The following KCNH8 variants were observed in gnomAD, a reference collection of about 807,000 sequenced individuals.
The protein encoded by KCNH8 is potassium voltage-gated channel subfamily H member 8.
Under a neutral mutation model 103.6 loss-of-function variants are expected in KCNH8, and 70 were observed. The observed-to-expected ratio is 0.68, with a 90% CI of 0.56 to 0.82. The LOEUF (loss-of-function observed/expected upper bound fraction) is 0.82, where lower values mean the gene tolerates loss of function less well. KCNH8 is among the 40% of genes least tolerant of loss of function. The pLI, the probability that KCNH8 is intolerant of heterozygous loss-of-function variation, is 0.00. For missense variants in KCNH8, 1,217 were observed against 1,329.9 expected, an observed-to-expected ratio of 0.92 and a Z score of 1.32; for synonymous variants, 498 against 489.4, an observed-to-expected ratio of 1.02 and a Z score of -0.23.
intron 1 of KCNH8, among the ~76,000 whole-genome samples, chr3:19,226,922 CT>C (rs1323050210): frequency 2.0e-5 from 3 of 152,172 alleles, no homozygotes; most frequent in African/African-American, 7.2e-5. Flanking sequence ...ATTTCCCAGT[CT>C]CTTATCTCTG....
intron 11 of KCNH8, among the ~76,000 whole-genome samples, chr3:19,493,210 T>G (rs2068365004): frequency 6.6e-6 from 1 of 152,140 alleles, no homozygotes; most frequent in South Asian, 2.1e-4. Context: ...GGATGCCTTT[T>G]GTTTCTTTCT....
intron 2 of KCNH8, among the ~76,000 whole-genome samples, chr3:19,264,593 T>C (rs1020173230): frequency 1.3e-5 from 2 of 152,110 alleles, no homozygotes; most frequent in Non-Finnish European, 2.9e-5. Context: ...GCTTAGCTTT[T>C]TCGGCTTAGA....
chr3:19,257,322 A>G (rs2064359081), intron 2 of KCNH8, among the ~76,000 whole-genome samples: 1 of 152,034 alleles, frequency 6.6e-6, no homozygotes, highest in Non-Finnish European at 1.5e-5. Flanking sequence ...AAAGCTATCC[A>G]ACACAATTTC....
chr3:19,152,068 C>T lies in KCNH8; in HGVS notation c.76+3273C>T, dbSNP rs558788153. On this transcript the variant is annotated intron_variant, in intron 1 of 15. Transcript: ENST00000328405. ...GCAAAAACCACTCACTTGTACCACT[C>T]TAAGACATACACATACACACATACA... Among the ~76,000 whole-genome samples the T allele has an allele frequency of 1.5e-3, 232 of 152,146 alleles. 3 individuals are homozygous for T. Among genetic ancestry groups the T allele is most frequent in the African/African-American group, 4.9e-3 (203 of 41,542 alleles).
At chr3:19,225,785 C>T (rs541172398) in intron 1 of KCNH8, among the ~76,000 whole-genome samples, 17 of 152,144 alleles carry the variant, frequency 1.1e-4, no homozygotes, top group Admixed American at 3.3e-4. Flanking sequence ...ATGGCTGATT[C>T]GGATAATATT....
intron 5 of KCNH8, among the ~76,000 whole-genome samples, chr3:19,362,253 A>G (rs372211520): frequency 2.6e-5 from 4 of 152,170 alleles, no homozygotes; most frequent in Non-Finnish European, 4.4e-5. Flanking sequence ...AAAAATCCAA[A>G]TAAGCTGTTA....
intron 7 of KCNH8, among the ~76,000 whole-genome samples, chr3:19,423,005 A>T (rs955023036): frequency 6.6e-6 from 1 of 152,142 alleles, no homozygotes; most frequent in African/African-American, 2.4e-5. Flanking sequence ...GATCCTTAAC[A>T]ATATTTATAA....
intron 7 of KCNH8, among the ~76,000 whole-genome samples, chr3:19,414,776 A>G (rs1053170883): frequency 6.6e-6 from 1 of 152,034 alleles, no homozygotes; most frequent in South Asian, 2.1e-4. Context: ...ATTGCAGTCC[A>G]TGAGGCAGAT....
chr3:19,321,783 A>T (rs187773121), intron 3 of KCNH8, among the ~76,000 whole-genome samples: 334 of 151,968 alleles, frequency 2.2e-3, no homozygotes, highest in Middle Eastern at 6.8e-3. Context: ...GGGGTATTGA[A>T]GTCCCCCACT....
chr3:19,362,923 A>T (rs1165355462), intron 5 of KCNH8, among the ~76,000 whole-genome samples: 1 of 152,262 alleles, frequency 6.6e-6, no homozygotes, highest in Middle Eastern at 3.4e-3. Context: ...AAGTGCCAGG[A>T]TTACAGGCAT....
chr3:19,402,255 C>G (rs745819410), intron 7 of KCNH8, among the ~76,000 whole-genome samples: 149 of 151,734 alleles, frequency 9.8e-4, no homozygotes, highest in Non-Finnish European at 2.0e-3. Context: ...ACATCCTATC[C>G]TATGAATTTG....
At chr3:19,167,473 A>T (rs1472552999) in intron 1 of KCNH8, among the ~76,000 whole-genome samples, 3 of 152,186 alleles carry the variant, frequency 2.0e-5, no homozygotes, top group African/African-American at 7.2e-5. Flanking sequence ...AGTAGGGAAG[A>T]TTATCTATTG....
chr3:19,293,510 T>G (rs990572065), intron 3 of KCNH8, among the ~76,000 whole-genome samples: 3 of 152,210 alleles, frequency 2.0e-5, no homozygotes, highest in Non-Finnish European at 2.9e-5. Context: ...AGATTAGACC[T>G]TTCGATCAGA....
chr3:19,181,932 T>A (rs2063457056), intron 1 of KCNH8, among the ~76,000 whole-genome samples: 1 of 152,152 alleles, frequency 6.6e-6, no homozygotes, highest in Non-Finnish European at 1.5e-5. Context: ...ACACATATAA[T>A]ACTAACAAAG....
chr3:19,324,275 C>T (rs1242800495), intron 3 of KCNH8, among the ~76,000 whole-genome samples: 1 of 152,078 alleles, frequency 6.6e-6, no homozygotes, highest in East Asian at 1.9e-4. Context: ...CTCACAGTTC[C>T]ACATGGCTGG....
chr3:19,251,951 T>C (rs2064284030), intron 1 of KCNH8, among the ~76,000 whole-genome samples: 4 of 152,216 alleles, frequency 2.6e-5, no homozygotes, highest in Admixed American at 2.0e-4. Context: ...TGAATCTTGC[T>C]TTTTAACAAA....
At chr3:19,288,420 C>G (rs2064868104) in intron 3 of KCNH8, among the ~76,000 whole-genome samples, 1 of 151,528 alleles carries the variant, frequency 6.6e-6, no homozygotes, top group African/African-American at 2.4e-5. Context: ...GTGATATTCC[C>G]CTTCCTGTAT....
intron 1 of KCNH8, among the ~76,000 whole-genome samples, chr3:19,211,470 G>A (rs2063770665): frequency 6.6e-6 from 1 of 152,126 alleles, no homozygotes. Context: ...ATTTCTCAAG[G>A]CGTAGTCTCT....
Position 19,309,448 on chromosome 3 carries a change from G to A in KCNH8, c.442+28119G>A, listed in dbSNP as rs143564541. ...TAAAAGGTTAAAATTTAGCTGAAGT[G>A]TTATGCATAGATTCATTGTTGCACT... On this transcript the variant is annotated intron_variant, in intron 3 of 15. Coordinates refer to ENST00000328405, the MANE Select transcript of KCNH8 (RefSeq NM_144633.3). Among the ~76,000 whole-genome samples the A allele has an allele frequency of 3.6e-4, 54 of 152,076 alleles. 1 individual carries two copies. Among genetic ancestry groups the A allele is most frequent in the African/African-American group, 1.3e-3 (53 of 41,536 alleles).
Sources: allele counts gnomAD v4.1 joint callset (sites outside exome capture counted in the v4.1 genomes callset), GRCh38; gene constraint gnomAD v4.1.1; transcripts MANE v1.5; gene names NCBI Gene and HGNC (gene_info 2026-07-23, HGNC 2026-07-21).